ZNF492: variants seen among roughly 807,000 people sequenced by gnomAD.
ZNF492 encodes zinc finger protein 492, also known as zinc finger protein 115 (Y20).
Under a neutral mutation model 6.4 loss-of-function variants are expected in ZNF492, and 3 were observed. The ratio of observed to expected loss-of-function variants is 0.47; its 90% CI spans 0.21 to 1.22. The LOEUF (loss-of-function observed/expected upper bound fraction) is 1.22. Among genes scored for constraint, ZNF492 ranks in the 50% most tolerant of loss-of-function variants. ZNF492 has a pLI of 0.22. For missense variants in ZNF492, 356 were observed against 612.5 expected (o/e 0.58, Z 4.42); for synonymous variants, 112 against 205.3 (o/e 0.55, Z 3.89).
At chr19:22,646,160 A>C (rs867313643) in intron 1 of ZNF492, among the ~76,000 whole-genome samples, 2 of 152,238 alleles carry the variant, frequency 1.3e-5, no homozygotes, top group Middle Eastern at 3.4e-3. Context: ...TAAGGATGGG[A>C]TGTTTTTCCA....
At chr19:22,652,425 T>G (rs1160442248) in intron 1 of ZNF492, among the ~76,000 whole-genome samples, 1 of 149,438 alleles carries the variant, frequency 6.7e-6, no homozygotes, top group East Asian at 2.0e-4. Flanking sequence ...AAATGAAAGC[T>G]CTCATCTTTG....
chr19:22,652,795 A>G (rs1413534432), intron 1 of ZNF492, among the ~76,000 whole-genome samples: 1 of 152,034 alleles, frequency 6.6e-6, no homozygotes, highest in Non-Finnish European at 1.5e-5. Context: ...TAGCCAGGAT[A>G]GTCTCGGTCT....
At chr19:22,641,051 A>T (rs1971821168) in intron 1 of ZNF492, among the ~76,000 whole-genome samples, 1 of 152,026 alleles carries the variant, frequency 6.6e-6, no homozygotes, top group African/African-American at 2.4e-5. Context: ...GTTTTTAAAA[A>T]TTTTACTCCT....
rs529144819 is a variant in ZNF492 at position 22,634,373 on chromosome 19, G to A, written c.-195G>A. ...AGTATGGTCTAGTGTTCGCTGTTCTGCGTCCTCTGGTCCTAGAGGCCCATC... is the reference window on the plus strand; with the variant it reads ...AGTATGGTCTAGTGTTCGCTGTTCTACGTCCTCTGGTCCTAGAGGCCCATC... On this transcript the variant is annotated 5_prime_UTR_variant, in exon 1 of 4. Transcript: ENST00000456783. The A allele has an allele frequency of 6.0e-5, 72 of 1,199,348 alleles. No homozygotes were observed. The African/African-American group carries it at 1.1e-3, about 18-fold the overall frequency. The allele number at this position is 1,199,348 out of a possible 1,614,324, so 74.3% of individuals were successfully genotyped here.
chr19:22,655,813 G>GTTTTTTTTTTT (rs760041910), intron 3 of ZNF492, among the ~76,000 whole-genome samples: 3 of 64,904 alleles, frequency 4.6e-5, no homozygotes, highest in African/African-American at 7.8e-5. Flanking sequence ...AGTTTTTCTT[G>GTTTTTTTTTTT]TTGTTTTTTT....
intron 1 of ZNF492, among the ~76,000 whole-genome samples, chr19:22,642,117 A>G (rs1971832040): frequency 6.6e-6 from 1 of 152,140 alleles, no homozygotes; most frequent in Non-Finnish European, 1.5e-5. Context: ...TTATTATAAC[A>G]TCTTTCTCTC....
rs148713444 is a variant in ZNF492, at chr19:22,634,474, GGT to G, written c.-94+2_-94+3del. 0.015 allele frequency: 20,889 copies of G among 1,349,828 alleles called. 2,518 individuals are homozygous for G. In the African/African-American group the frequency reaches 0.28, roughly 18 times the overall value. 83.6% of individuals were successfully genotyped at this position (1,349,828 alleles called of 1,614,324 possible). ...TAGGACCCCCTGGAAGCCTAGAAACGGTGAGAGTGCCGGGTCCGACATCCCGA... is the reference window on the plus strand; with the variant it reads ...TAGGACCCCCTGGAAGCCTAGAAACGGAGAGTGCCGGGTCCGACATCCCGA... On this transcript the variant is annotated splice_donor_variant, in intron 1 of 3. Coordinates refer to ENST00000456783, the MANE Select transcript of ZNF492 (RefSeq NM_020855.3). LOFTEE classifies it low-confidence loss of function (5UTR_SPLICE).
intron 3 of ZNF492, among the ~76,000 whole-genome samples, chr19:22,661,593 T>G (rs1401585878): frequency 6.7e-6 from 1 of 148,648 alleles, no homozygotes; most frequent in East Asian, 2.0e-4. Flanking sequence ...AGTTTATTTG[T>G]GTTTCTCTTC....
rs538710635 is a variant in ZNF492 at position 22,666,549 on chromosome 19, G to A, written c.*1284G>A. The A allele has an allele frequency of 6.6e-6, 1 of 152,246 alleles. No homozygotes were observed. The highest frequency in any genetic ancestry group is 2.1e-4 in the South Asian group (1 of 4,824). The allele number at this position is 152,246 out of a possible 1,614,324, so 9.4% of individuals were successfully genotyped here. On this transcript the variant is annotated 3_prime_UTR_variant, in exon 4 of 4. Coordinates refer to ENST00000456783, the MANE Select transcript of ZNF492 (RefSeq NM_020855.3). ...GTGAAAGCATGTGACCAAAAGATATGAGGATTATTTTTTATTAGGTGAGCA... is the reference window on the plus strand; with the variant it reads ...GTGAAAGCATGTGACCAAAAGATATAAGGATTATTTTTTATTAGGTGAGCA...
chr19:22,651,996 AT>A (rs1971944143), intron 1 of ZNF492, among the ~76,000 whole-genome samples: 1 of 152,024 alleles, frequency 6.6e-6, no homozygotes, highest in Non-Finnish European at 1.5e-5. Flanking sequence ...TCAGACTATA[AT>A]TTACTTTTGG....
chr19:22,659,293 G>A (rs955091473), intron 3 of ZNF492, among the ~76,000 whole-genome samples: 10 of 148,500 alleles, frequency 6.7e-5, no homozygotes, highest in African/African-American at 2.6e-4. Context: ...TCTTCTTTTT[G>A]TAATAAGAGG....
At chr19:22,652,142 T>C (rs1054091429) in intron 1 of ZNF492, among the ~76,000 whole-genome samples, 1 of 151,910 alleles carries the variant, frequency 6.6e-6, no homozygotes, top group Admixed American at 6.5e-5. Flanking sequence ...TAATTATTTT[T>C]CTCTTCATTA....
chr19:22,664,650 T>A lies in ZNF492; in HGVS notation c.981T>A (p.His327Gln), dbSNP rs1568358148. The A allele has an allele frequency of 6.2e-6, 10 of 1,612,878 alleles. No individual in the cohort carries two copies. The highest frequency in any genetic ancestry group is 7.6e-6 in the Non-Finnish European group (9 of 1,179,216). The change falls in exon 4 of 4, where the codon CAT (histidine) becomes CAA (glutamine). Residue 327 changes from histidine (H) to glutamine (Q), a missense_variant. This residue lies in a region of ZNF492 where 29 missense variants were observed against 56.8 expected (regional missense o/e 0.51). Coordinates refer to ENST00000456783, the MANE Select transcript of ZNF492 (RefSeq NM_020855.3). ...GCCAGTTATCCCACCTTACTACACA[T>A]AAGAGAATTCATTCTGGAGAGAAAC... is the stretch of plus-strand genomic sequence containing the variant. ...AFSQLSHLTT[H>Q]KRIHSGEKPY...
In ZNF492 at chr19:22,667,101, G is replaced by T. The variant is rs1972138214; in HGVS notation, c.*1836G>T. The T allele has an allele frequency of 6.6e-6, 1 of 152,220 alleles. No individual in the cohort carries two copies. Among genetic ancestry groups the T allele is most frequent in the Non-Finnish European group, 1.5e-5 (1 of 68,094 alleles). 9.4% of individuals were successfully genotyped at this position (152,220 alleles called of 1,614,324 possible). The stretch of plus-strand genomic sequence containing the variant: ...AAATTAGCCAGGCATGGTGGCGCAT[G>T]CCTGTAATCCCAGCTACTCGGGAGG... On this transcript the variant is annotated 3_prime_UTR_variant, in exon 4 of 4. Coordinates refer to ENST00000456783, the MANE Select transcript of ZNF492 (RefSeq NM_020855.3).
In ZNF492 at chr19:22,664,204, A is replaced by G. The variant is rs547909231; in HGVS notation, c.535A>G (p.Asn179Asp). The G allele has an allele frequency of 1.9e-6, 3 of 1,613,132 alleles. No individual in the cohort carries two copies. Among genetic ancestry groups the G allele is most frequent in the Non-Finnish European group, 2.5e-6 (3 of 1,179,544 alleles). ...ATGTAAAGAATGTGGGAAAGCCTAT[A>G]ATGAGACCTCAAACCTTTCTACACA... Reference protein sequence around the residue: ...YKCKECGKAYNETSNLSTHKR... With the variant: ...YKCKECGKAYDETSNLSTHKR... Residue 179 changes from asparagine (N) to aspartate (D), a missense_variant, in exon 4 of 4, where the codon AAT becomes GAT. Coordinates refer to ENST00000456783, the MANE Select transcript of ZNF492 (RefSeq NM_020855.3).
At chr19:22,651,662 G>A (rs575851770) in intron 1 of ZNF492, among the ~76,000 whole-genome samples, 3 of 152,012 alleles carry the variant, frequency 2.0e-5, no homozygotes, top group Non-Finnish European at 2.9e-5. Flanking sequence ...TGTTTCCTTC[G>A]TGGCTATGGA....
At chr19:22,648,611 C>T (rs35740274) in intron 1 of ZNF492, among the ~76,000 whole-genome samples, 29,474 of 152,162 alleles carry the variant, frequency 0.19, 3,719 homozygotes, top group African/African-American at 0.37. Flanking sequence ...GAACTTGCTT[C>T]ATGAGTCTGA....
At chr19:22,637,992 G>A (rs1200227572) in intron 1 of ZNF492, among the ~76,000 whole-genome samples, 3 of 151,930 alleles carry the variant, frequency 2.0e-5, no homozygotes, top group African/African-American at 7.3e-5. Flanking sequence ...TTTTTTTTAT[G>A]CTCGTTAACC....
chr19:22,644,490 A>C (rs1331342045), intron 1 of ZNF492, among the ~76,000 whole-genome samples: 3 of 151,914 alleles, frequency 2.0e-5, no homozygotes, highest in South Asian at 2.1e-4. Context: ...TTGGTTTTCT[A>C]TCCCTGTGTT....
Sources: gnomAD v4.1 joint callset for allele counts (sites outside exome capture counted in the v4.1 genomes callset) on GRCh38, gnomAD v4.1.1 for gene constraint, gnomAD v4.1.1 regional missense constraint, MANE v1.5 for transcripts, NCBI Gene and HGNC (gene_info 2026-07-23, HGNC 2026-07-21) for gene names.